The following SRD5A2 variants were observed in gnomAD, a reference collection of about 807,000 sequenced individuals.
The protein encoded by SRD5A2 is 3-oxo-5-alpha-steroid 4-dehydrogenase 2.
In SRD5A2, 30 loss-of-function variants were observed where a neutral mutation model predicts 27.4. That is an observed-to-expected ratio of 1.10 (90% CI 0.82 to 1.49). SRD5A2 has a LOEUF of 1.49. Ranked by LOEUF, SRD5A2 falls within the 40% of genes most tolerant of loss-of-function variation. The pLI, the probability that SRD5A2 is intolerant of heterozygous loss-of-function variation, is 0.00. For missense variants in SRD5A2, 348 were observed against 323.4 expected (o/e 1.08, Z -0.58); for synonymous variants, 141 against 133.6 (o/e 1.06, Z -0.38).
chr2:31,536,467 T>C (rs977954135), intron 1 of SRD5A2, among the ~76,000 whole-genome samples: 3 of 152,152 alleles, frequency 2.0e-5, no homozygotes, highest in Non-Finnish European at 4.4e-5. Context: ...TTAATGACCA[T>C]GCTTCAGGCT....
At chr2:31,617,696 C>A in the SRD5A2 span, among the ~76,000 whole-genome samples, 5 of 152,228 alleles carry the variant, frequency 3.3e-5, no homozygotes, top group Non-Finnish European at 7.3e-5. Flanking sequence ...AGTCTCTTTG[C>A]TAAAACCTAA....
chr2:31,655,352 C>T, the SRD5A2 span, among the ~76,000 whole-genome samples: 1 of 152,160 alleles, frequency 6.6e-6, no homozygotes. Context: ...CCACCCGCCT[C>T]GGCCTCCCAA....
At chr2:31,591,038 T>C in the SRD5A2 span, among the ~76,000 whole-genome samples, 1 of 152,236 alleles carries the variant, frequency 6.6e-6, no homozygotes, top group Non-Finnish European at 1.5e-5. Flanking sequence ...AAGGACTTCA[T>C]GTCTAAAACA....
At chr2:31,626,814 T>A in the SRD5A2 span, among the ~76,000 whole-genome samples, 1 of 151,886 alleles carries the variant, frequency 6.6e-6, no homozygotes, top group Non-Finnish European at 1.5e-5. Context: ...GGTCTAAAAT[T>A]CTATTTTTTT....
chr2:31,601,131 T>A, the SRD5A2 span, among the ~76,000 whole-genome samples: 1 of 151,708 alleles, frequency 6.6e-6, no homozygotes, highest in Non-Finnish European at 1.5e-5. Context: ...TCAACCAATC[T>A]AGAAGCTGGC....
At chr2:31,629,106 G>C in the SRD5A2 span, among the ~76,000 whole-genome samples, 1 of 152,108 alleles carries the variant, frequency 6.6e-6, no homozygotes, top group Non-Finnish European at 1.5e-5. Flanking sequence ...CCCAATGCCG[G>C]TCTAGAAAAC....
At position 31,526,104 on chromosome 2, in the gene SRD5A2, C is replaced by CATATATATATATAT. The variant is rs1491224935; in HGVS notation, c.*91_*92insATATATATATATAT. The CATATATATATATAT allele has an allele frequency of 0.011, 8,648 of 796,838 alleles. 112 individuals are homozygous for CATATATATATATAT. Among genetic ancestry groups the CATATATATATATAT allele is most frequent in the South Asian group, 0.033 (1,948 of 58,494 alleles). The allele number at this position is 796,838 out of a possible 1,614,324, so 49.4% of individuals were successfully genotyped here. On this transcript the variant is annotated 3_prime_UTR_variant, in exon 5 of 5. Transcript: ENST00000622030. ...CAGGAGACCTACTATTACATATATA[C>CATATATATATATAT]GGGACTATTATATCATGAAAATTAC...
At chr2:31,618,215 C>T in the SRD5A2 span, among the ~76,000 whole-genome samples, 5 of 152,142 alleles carry the variant, frequency 3.3e-5, no homozygotes, top group Non-Finnish European at 5.9e-5. Flanking sequence ...ACCACAAGAA[C>T]AGCATGGGGG....
the SRD5A2 span, among the ~76,000 whole-genome samples, chr2:31,622,448 A>C: frequency 6.6e-6 from 1 of 152,242 alleles, no homozygotes; most frequent in East Asian, 1.9e-4. Context: ...ATACTTGAAG[A>C]ACTGGTAGTC....
the SRD5A2 span, among the ~76,000 whole-genome samples, chr2:31,625,713 G>A: frequency 2.0e-5 from 3 of 152,132 alleles, no homozygotes; most frequent in African/African-American, 7.2e-5. Flanking sequence ...CTGTTGCATT[G>A]ATCTATATCT....
At chr2:31,583,652 C>CAAAAAAAAAAA (rs1352139998), upstream of SRD5A2, among the ~76,000 whole-genome samples, 3 of 20,922 alleles carry the variant, frequency 1.4e-4, no homozygotes, top group African/African-American at 2.7e-4. Context: ...AAAAAAAAAC[C>CAAAAAAAAAAA]AAAAAAAAAG....
At chr2:31,557,053 T>A (rs1666510207) in intron 1 of SRD5A2, among the ~76,000 whole-genome samples, 1 of 152,220 alleles carries the variant, frequency 6.6e-6, no homozygotes, top group Non-Finnish European at 1.5e-5. Context: ...CAAGGTCACA[T>A]AATTATGAGA....
chr2:31,561,853 T>C (rs771082499), intron 1 of SRD5A2, among the ~76,000 whole-genome samples: 1 of 152,202 alleles, frequency 6.6e-6, no homozygotes, highest in African/African-American at 2.4e-5. Context: ...ATCAACTTCA[T>C]GGCCTGAGTA....
intron 3 of SRD5A2, among the ~76,000 whole-genome samples, chr2:31,530,282 CT>C (rs2148064229): frequency 6.6e-6 from 1 of 152,272 alleles, no homozygotes; most frequent in South Asian, 2.1e-4. Context: ...ATCTTGGCAA[CT>C]GGTTTTCAAG....
intron 3 of SRD5A2, 89 bp downstream of exon 3, chr2:31,531,282 C>T (rs529393050): frequency 1.1e-6 from 1 of 931,850 alleles, no homozygotes; most frequent in East Asian, 2.6e-5. Context: ...TTCGTGCCCT[C>T]ACTGTCCCCT....
upstream of SRD5A2, among the ~76,000 whole-genome samples, chr2:31,583,775 G>T (rs1206693124): frequency 6.6e-6 from 1 of 151,976 alleles, no homozygotes; most frequent in Non-Finnish European, 1.5e-5. Context: ...AATCAATGTG[G>T]TAACATATGC....
At chr2:31,634,340 G>C in the SRD5A2 span, among the ~76,000 whole-genome samples, 1 of 152,094 alleles carries the variant, frequency 6.6e-6, no homozygotes, top group Admixed American at 6.5e-5. Flanking sequence ...AAAAGGTAGA[G>C]AGGCAAAATA....
the SRD5A2 span, among the ~76,000 whole-genome samples, chr2:31,621,788 C>CTCTG: frequency 6.6e-6 from 1 of 151,936 alleles, no homozygotes. Flanking sequence ...AGGTATATAC[C>CTCTG]ACCACCCCTG....
chr2:31,580,398 G>T (rs1489512936), intron 1 of SRD5A2, among the ~76,000 whole-genome samples: 1 of 152,234 alleles, frequency 6.6e-6, no homozygotes, highest in Admixed American at 6.5e-5. Context: ...GGTCCTGGGG[G>T]AGTGAAGGCG....
Sources: allele counts gnomAD v4.1 joint callset (sites outside exome capture counted in the v4.1 genomes callset), GRCh38; gene constraint gnomAD v4.1.1; transcripts MANE v1.5; gene names NCBI Gene and HGNC (gene_info 2026-07-23, HGNC 2026-07-21).